The following LRRC75A variants were observed in gnomAD, a reference collection of about 807,000 sequenced individuals.
LRRC75A encodes leucine rich repeat containing 75A.
A neutral mutation model predicts 26.0 loss-of-function variants in LRRC75A; 12 were observed. The observed-to-expected ratio is 0.46, with a 90% CI of 0.30 to 0.75. LRRC75A has a LOEUF of 0.75. Ranked by LOEUF, LRRC75A falls within the 30% of genes least tolerant of loss-of-function variation. The probability of loss-of-function intolerance (pLI) is 0.08; values close to 1 mark genes in which losing one functional copy is unlikely to be tolerated. For synonymous variants in LRRC75A, 223 were observed against 219.3 expected, an observed-to-expected ratio of 1.02 and a Z score of -0.15; for missense variants, 410 against 486.6, an observed-to-expected ratio of 0.84 and a Z score of 1.48.
chr17:16,446,325 G>A (rs1375928188), intron 3 of LRRC75A, among the ~76,000 whole-genome samples: 1 of 152,200 alleles, frequency 6.6e-6, no homozygotes, highest in Non-Finnish European at 1.5e-5. Flanking sequence ...CTCTACTAGG[G>A]GGAGACAGAC....
chr17:16,464,936 T>C (rs2093756594), intron 1 of LRRC75A, among the ~76,000 whole-genome samples: 1 of 152,188 alleles, frequency 6.6e-6, no homozygotes, highest in South Asian at 2.1e-4. Flanking sequence ...TGTGGCCCAG[T>C]GCCTGGTTTG....
rs1273803815 is a variant in LRRC75A, at chr17:16,472,975, AC to A, written c.247-10590del. On this transcript the variant is annotated intron_variant, in intron 1 of 3. Transcript: ENST00000470794. ...AGAAATTTAATTACTTAAGTTATAAACCCCCTACCCTTGAACATCGACATTT... is the reference window on the plus strand; with the variant it reads ...AGAAATTTAATTACTTAAGTTATAAACCCCTACCCTTGAACATCGACATTT... 2.0e-5 allele frequency among the ~76,000 whole-genome samples: 3 copies of A among 151,998 alleles called. No homozygotes were observed. In the East Asian group the frequency reaches 5.8e-4, roughly 29 times the overall value.
chr17:16,476,252 C>T (rs2093819443), intron 1 of LRRC75A, among the ~76,000 whole-genome samples: 1 of 151,954 alleles, frequency 6.6e-6, no homozygotes, highest in South Asian at 2.1e-4. Context: ...CCTGTAATCC[C>T]AGCTACTTGG....
At chr17:16,467,407 G>A (rs1748258607) in intron 1 of LRRC75A, among the ~76,000 whole-genome samples, 1 of 152,214 alleles carries the variant, frequency 6.6e-6, no homozygotes, top group Non-Finnish European at 1.5e-5. Context: ...ATGGCATGGA[G>A]TGTACATGAT....
chr17:16,466,312 T>C (rs1159844890), intron 1 of LRRC75A, among the ~76,000 whole-genome samples: 1 of 152,174 alleles, frequency 6.6e-6, no homozygotes, highest in Non-Finnish European at 1.5e-5. Flanking sequence ...CCTTTCAGAC[T>C]CGGCACCCAT....
intron 1 of LRRC75A, chr17:16,463,188 T>G (rs1167561179): frequency 6.6e-6 from 1 of 151,996 alleles, no homozygotes; most frequent in Non-Finnish European, 1.5e-5. Flanking sequence ...TCCTGTGACC[T>G]TCATCTAAAG....
At chr17:16,474,404 G>A (rs1043428236) in intron 1 of LRRC75A, among the ~76,000 whole-genome samples, 2 of 152,182 alleles carry the variant, frequency 1.3e-5, no homozygotes, top group Non-Finnish European at 2.9e-5. Context: ...TTATGACTCC[G>A]AAAGGGTGGT....
rs146637596 is a variant in LRRC75A at position 16,456,050 on chromosome 17, G to C, written c.375+6208C>G. On this transcript the variant is annotated intron_variant, in intron 2 of 3. Transcript: ENST00000470794. ...GTAAGAAGGTGGGGAACGGGGGGAG[G>C]GAGAGGAGGAGAAGGAGGAAGAGGA... Among the ~76,000 whole-genome samples the C allele has an allele frequency of 5.0e-3, 756 of 151,148 alleles. 12 individuals carry two copies. Among genetic ancestry groups the C allele is most frequent in the African/African-American group, 0.017 (701 of 41,054 alleles).
chr17:16,455,316 C>G (rs1426209919), intron 2 of LRRC75A, among the ~76,000 whole-genome samples: 1 of 152,066 alleles, frequency 6.6e-6, no homozygotes, highest in Non-Finnish European at 1.5e-5. Context: ...TACCCTGTGT[C>G]TGGTTATAGG....
chr17:16,471,024 T>G (rs1450199924), intron 1 of LRRC75A, among the ~76,000 whole-genome samples: 1 of 151,376 alleles, frequency 6.6e-6, no homozygotes, highest in Non-Finnish European at 1.5e-5. Flanking sequence ...CCAAAAGACA[T>G]GCCCATGCGC....
chr17:16,474,402 C>T (rs1484045029), intron 1 of LRRC75A, among the ~76,000 whole-genome samples: 1 of 152,200 alleles, frequency 6.6e-6, no homozygotes, highest in Non-Finnish European at 1.5e-5. Context: ...TTTTATGACT[C>T]CGAAAGGGTG....
rs886917511 is a variant in LRRC75A, at chr17:16,443,269, C to T, written c.*319G>A. The T allele has an allele frequency of 1.8e-5, 6 of 341,820 alleles. No homozygotes were observed. Among genetic ancestry groups the T allele is most frequent in the Non-Finnish European group, 3.2e-5 (6 of 187,104 alleles). The allele number at this position is 341,820 out of a possible 1,614,324, so 21.2% of individuals were successfully genotyped here. On this transcript the variant is annotated 3_prime_UTR_variant, in exon 4 of 4. Transcript: ENST00000470794. ...TGGTGTTCACAATGGCTCAGGCTTA[C>T]AGTACCTCCAGCCATGTGCCCATTT... is the stretch of plus-strand genomic sequence containing the variant.
Position 16,443,979 on chromosome 17 carries a change from G to C in LRRC75A, c.644C>G (p.Thr215Arg). ...DSVELGFTGL[T>R]DDMVLQLLPA... ...CAGCAGCTGCAGGACCATGTCGTCCGTGAGGCCTGTGAAGCCCAGCTCCAC... is the reference window on the plus strand; with the variant it reads ...CAGCAGCTGCAGGACCATGTCGTCCCTGAGGCCTGTGAAGCCCAGCTCCAC... The change falls in exon 4 of 4, where the codon ACG (threonine) becomes AGG (arginine). Residue 215 changes from threonine to arginine, a missense_variant. By Grantham distance (71) the Thr-to-Arg change is moderately conservative. Coordinates refer to ENST00000470794, the MANE Select transcript of LRRC75A (RefSeq NM_001113567.3). 1 of 1,613,710 alleles carries C rather than the reference G, an allele frequency of 6.2e-7. No individual in the cohort carries two copies. Among genetic ancestry groups the C allele is most frequent in the Non-Finnish European group, 8.5e-7 (1 of 1,180,020 alleles).
chr17:16,478,468 G>A lies in LRRC75A; in HGVS notation c.246+13277C>T, dbSNP rs1394163512. On this transcript the variant is annotated intron_variant, in intron 1 of 3. Transcript: ENST00000470794. ...CCCAAAGTGCTGGGATTACAGGAGT[G>A]AGCCGCTGTGCCTGGCCTCCCATTT... 3 of 152,378 alleles carry A rather than the reference G, an allele frequency of 2.0e-5. No homozygotes were observed. The East Asian group carries it at 5.8e-4, about 29-fold the overall frequency. The allele number at this position is 152,378 out of a possible 1,614,324, so 9.4% of individuals were successfully genotyped here. A position where few individuals can be genotyped will look rare whatever the true frequency, so the allele number is the denominator to read the frequency against.
intron 1 of LRRC75A, among the ~76,000 whole-genome samples, chr17:16,486,922 C>T (rs1231169206): frequency 2.0e-5 from 3 of 152,224 alleles, no homozygotes. Flanking sequence ...GCAGCAGACA[C>T]ACACGCGTAC....
At chr17:16,466,032 ATTATTGCT>A (rs1206479935) in intron 1 of LRRC75A, among the ~76,000 whole-genome samples, 4 of 152,234 alleles carry the variant, frequency 2.6e-5, no homozygotes, top group Non-Finnish European at 5.9e-5. Flanking sequence ...CATGGCACAC[ATTATTGCT>A]TTATTGCTTT....
At chr17:16,446,305 C>T (rs1298569761) in intron 3 of LRRC75A, among the ~76,000 whole-genome samples, 2 of 152,166 alleles carry the variant, frequency 1.3e-5, no homozygotes, top group Non-Finnish European at 2.9e-5. Context: ...GGACAAAATC[C>T]CTGTTCTTCC....
At chr17:16,475,308 A>ATG (rs368523412) in intron 1 of LRRC75A, among the ~76,000 whole-genome samples, 55 of 151,902 alleles carry the variant, frequency 3.6e-4, no homozygotes, top group Admixed American at 3.0e-3. Context: ...AACTGATAAG[A>ATG]TGTGTGTGTG....
chr17:16,484,483 C>A (rs72833976), intron 1 of LRRC75A, among the ~76,000 whole-genome samples: 2 of 152,138 alleles, frequency 1.3e-5, no homozygotes, highest in Non-Finnish European at 2.9e-5. Context: ...GCCCAAGGCA[C>A]GGCTGACACT....
Sources: gnomAD v4.1 joint callset for allele counts (sites outside exome capture counted in the v4.1 genomes callset) on GRCh38, gnomAD v4.1.1 for gene constraint, MANE v1.5 for transcripts, NCBI Gene and HGNC (gene_info 2026-07-23, HGNC 2026-07-21) for gene names.